The following AFTPH variants were observed in gnomAD, a reference collection of about 807,000 sequenced individuals.
The protein encoded by AFTPH is aftiphilin.
In AFTPH, 7 loss-of-function variants were observed where a neutral mutation model predicts 72.5. That is an observed-to-expected ratio of 0.10 (90% CI 0.05 to 0.18). AFTPH has a LOEUF of 0.18. Among genes scored for constraint, AFTPH ranks in the 10% least tolerant of loss-of-function variants. The probability of loss-of-function intolerance (pLI) is 1.00; values close to 1 mark genes in which losing one functional copy is unlikely to be tolerated. For synonymous variants in AFTPH, 337 were observed against 370.1 expected (o/e 0.91, Z 1.03); for missense variants, 979 against 1,060.5 (o/e 0.92, Z 1.07).
chr2:64,549,479 C>T lies in AFTPH; in HGVS notation c.-32-1964C>T, dbSNP rs535790315. 7.4e-5 allele frequency among the ~76,000 whole-genome samples: 11 copies of T among 148,556 alleles called. No homozygotes were observed. In the East Asian group the frequency reaches 2.1e-3, roughly 29 times the overall value. ...GATATTACAGATGTGCACCACCACG[C>T]CCGGCTAATTTTTTTATTTTTAGTA... On this transcript the variant is annotated intron_variant, in intron 1 of 8. Transcript: ENST00000238856.
At chr2:64,569,071 G>A in intron 3 of AFTPH, 21 bp from the exon 4 acceptor site, 1 of 1,613,622 alleles carries the variant, frequency 6.2e-7, no homozygotes, top group Non-Finnish European at 8.5e-7. Context: ...GTTGTTGATG[G>A]CTTCATCATG....
intron 1 of AFTPH, among the ~76,000 whole-genome samples, chr2:64,533,633 G>A (rs1409836758): frequency 6.6e-6 from 1 of 152,004 alleles, no homozygotes; most frequent in Non-Finnish European, 1.5e-5. Flanking sequence ...ATGAGACTTG[G>A]AAAGGAAAAG....
chr2:64,583,949 A>G (rs1673354869), intron 7 of AFTPH, among the ~76,000 whole-genome samples: 1 of 152,100 alleles, frequency 6.6e-6, no homozygotes, highest in Middle Eastern at 3.2e-3. Context: ...TAATATGTTA[A>G]GTATCTTAAA....
chr2:64,543,936 A>C (rs770595499), intron 1 of AFTPH, among the ~76,000 whole-genome samples: 2 of 152,162 alleles, frequency 1.3e-5, no homozygotes, highest in Non-Finnish European at 2.9e-5. Flanking sequence ...GAAGATTAAT[A>C]CAGAATCACC....
rs139162693 is a variant in AFTPH at position 64,545,475 on chromosome 2, T to C, written c.-32-5968T>C. ...ACACACACACTATACATATGCAGTTTATAATAGTAAGATACTGGAAACAAC... is the reference window on the plus strand; with the variant it reads ...ACACACACACTATACATATGCAGTTCATAATAGTAAGATACTGGAAACAAC... On this transcript the variant is annotated intron_variant, in intron 1 of 8. Transcript: ENST00000238856. Among the ~76,000 whole-genome samples, 1,340 of 147,718 alleles carry C rather than the reference T, an allele frequency of 9.1e-3. 16 individuals carry two copies. The highest frequency in any genetic ancestry group is 0.031 in the African/African-American group (1,237 of 40,420).
intron 5 of AFTPH, among the ~76,000 whole-genome samples, chr2:64,572,127 G>A (rs919488685): frequency 1.3e-5 from 2 of 151,550 alleles, no homozygotes; most frequent in Admixed American, 6.6e-5. Flanking sequence ...GGCTGAGGCA[G>A]GAGAATCGCT....
At chr2:64,580,881 G>A (rs771791975) in intron 7 of AFTPH, 5 of 178,392 alleles carry the variant, frequency 2.8e-5, no homozygotes, top group East Asian at 2.9e-4. Flanking sequence ...CATTCCTTTC[G>A]GTCTTTCTGG....
rs1348716140 is a variant in AFTPH, at chr2:64,575,739, G to GTA, written c.2394+2672_2394+2673insAT. ...TGTGTGTGTGTGTGTGTGTGTGTGTGTGTATATATTTTTTTTGGAGGTAGA... is the reference window on the plus strand; with the variant it reads ...TGTGTGTGTGTGTGTGTGTGTGTGTGTATGTATATATTTTTTTTGGAGGTAGA... On this transcript the variant is annotated intron_variant, in intron 6 of 8. Coordinates refer to ENST00000238856, the Ensembl canonical transcript of AFTPH. Among the ~76,000 whole-genome samples the GTA allele has an allele frequency of 2.8e-4, 31 of 111,244 alleles. No homozygotes were observed. In the East Asian group the frequency reaches 9.1e-3, roughly 33 times the overall value. The allele number at this position is 111,244 out of a possible 152,430, so 73.0% of individuals were successfully genotyped here. A position where few individuals can be genotyped will look rare whatever the true frequency, so the allele number is the denominator to read the frequency against.
intron 2 of AFTPH, among the ~76,000 whole-genome samples, chr2:64,561,075 A>G (rs1671709310): frequency 6.6e-6 from 1 of 152,236 alleles, no homozygotes; most frequent in African/African-American, 2.4e-5. Context: ...TGTAAGTAGC[A>G]TAGCTCCTCT....
intron 7 of AFTPH, among the ~76,000 whole-genome samples, chr2:64,584,363 A>G (rs1673376936): frequency 1.3e-5 from 2 of 152,138 alleles, no homozygotes; most frequent in South Asian, 4.1e-4. Flanking sequence ...CAATTTTTGC[A>G]ATAAATCTAA....
At chr2:64,579,230 T>G (rs900226316) in intron 6 of AFTPH, among the ~76,000 whole-genome samples, 3 of 152,146 alleles carry the variant, frequency 2.0e-5, no homozygotes, top group Non-Finnish European at 4.4e-5. Flanking sequence ...GTTCATAAAT[T>G]TGTTTAAAAA....
At chr2:64,582,534 T>C (rs1446051306) in intron 7 of AFTPH, among the ~76,000 whole-genome samples, 1 of 152,202 alleles carries the variant, frequency 6.6e-6, no homozygotes, top group African/African-American at 2.4e-5. Context: ...AATGATATTG[T>C]ACTATTTACT....
chr2:64,582,235 C>A (rs1156943657), intron 7 of AFTPH, among the ~76,000 whole-genome samples: 1 of 152,172 alleles, frequency 6.6e-6, no homozygotes, highest in Non-Finnish European at 1.5e-5. Flanking sequence ...CCTGAGAATT[C>A]ACTGGTTTTG....
chr2:64,543,052 A>G (rs996058979), intron 1 of AFTPH, among the ~76,000 whole-genome samples: 1 of 152,258 alleles, frequency 6.6e-6, no homozygotes, highest in African/African-American at 2.4e-5. Context: ...CATCCTTACC[A>G]AAAGTGGCTG....
At chr2:64,541,514 C>G (rs1198270329) in intron 1 of AFTPH, among the ~76,000 whole-genome samples, 1 of 152,122 alleles carries the variant, frequency 6.6e-6, no homozygotes, top group Admixed American at 6.5e-5. Context: ...TCATAGCACT[C>G]TAAATATATT....
At chr2:64,542,494 A>C (rs1670314094) in intron 1 of AFTPH, among the ~76,000 whole-genome samples, 1 of 152,064 alleles carries the variant, frequency 6.6e-6, no homozygotes, top group South Asian at 2.1e-4. Context: ...TCCGGGTTGC[A>C]TTTTTCTATT....
At chr2:64,560,740 G>C (rs1398883527) in intron 2 of AFTPH, among the ~76,000 whole-genome samples, 5 of 152,176 alleles carry the variant, frequency 3.3e-5, no homozygotes, top group Non-Finnish European at 5.9e-5. Context: ...AGGCATGGTG[G>C]TGTGCGGCTG....
intron 2 of AFTPH, among the ~76,000 whole-genome samples, chr2:64,554,605 C>T (rs140554230): frequency 6.6e-6 from 1 of 152,072 alleles, no homozygotes; most frequent in African/African-American, 2.4e-5. Flanking sequence ...ATGGTATTAC[C>T]AGTTGGTGTG....
chr2:64,545,734 G>A (rs1005539140), intron 1 of AFTPH, among the ~76,000 whole-genome samples: 1 of 151,574 alleles, frequency 6.6e-6, no homozygotes, highest in Non-Finnish European at 1.5e-5. Context: ...AAATTGTGGC[G>A]ATGGAGAACA....
Sources: gnomAD v4.1 joint callset for allele counts (sites outside exome capture counted in the v4.1 genomes callset) on GRCh38, gnomAD v4.1.1 for gene constraint, MANE v1.5 for transcripts, NCBI Gene and HGNC (gene_info 2026-07-23, HGNC 2026-07-21) for gene names.